Variants in ITFG1 observed in about 807,000 individuals in gnomAD.
ITFG1 encodes the protein integrin alpha FG-GAP repeat containing 1.
In ITFG1, 34 loss-of-function variants were observed where a neutral mutation model predicts 81.8. The observed-to-expected ratio is 0.42, with a 90% CI of 0.32 to 0.55. The LOEUF (loss-of-function observed/expected upper bound fraction) is 0.55. Among genes scored for constraint, ITFG1 ranks in the 20% least tolerant of loss-of-function variants. ITFG1 has a pLI of 0.17. For missense variants in ITFG1, 672 were observed against 755.4 expected, an observed-to-expected ratio of 0.89 and a Z score of 1.29; for synonymous variants, 285 against 270.6, an observed-to-expected ratio of 1.05 and a Z score of -0.52.
chr16:47,365,866 C>T lies in ITFG1; in HGVS notation c.724G>A (p.Gly242Arg), dbSNP rs746889895. Residue 242 changes from glycine (G) to arginine (R), a missense_variant, in exon 8 of 18, where the codon GGA becomes AGA. Physicochemically the swap from Gly to Arg is moderately radical, Grantham distance 125. Transcript: ENST00000320640. ...FQFEIWENLD[G>R]NFSVSTILEK... ...AATATAGTACTGACAGAGAAGTTTC[C>T]ATCCTGTTAAATGAAGAAAACTTTG... is the stretch of plus-strand genomic sequence containing the variant. 4 of 1,563,750 alleles carry T rather than the reference C, an allele frequency of 2.6e-6. No homozygotes were observed. In the Admixed American group the frequency reaches 5.0e-5, roughly 20 times the overall value.
At chr16:47,220,289 T>A (rs1017241023) in intron 13 of ITFG1, among the ~76,000 whole-genome samples, 1 of 152,244 alleles carries the variant, frequency 6.6e-6, no homozygotes, top group South Asian at 2.1e-4. Context: ...GTAAAAACTA[T>A]TTTCATAATA....
chr16:47,269,163 T>C (rs554159268), intron 10 of ITFG1, among the ~76,000 whole-genome samples: 1 of 152,184 alleles, frequency 6.6e-6, no homozygotes, highest in African/African-American at 2.4e-5. Flanking sequence ...GTTCTAGCCA[T>C]TGTAAAAGGA....
rs1221117450 is a variant in ITFG1 at position 47,154,907 on chromosome 16, T to C, written c.*812A>G. 2 of 152,362 alleles carry C rather than the reference T, an allele frequency of 1.3e-5. No homozygotes were observed. Among genetic ancestry groups the C allele is most frequent in the Non-Finnish European group, 2.9e-5 (2 of 68,036 alleles). The allele number at this position is 152,362 out of a possible 1,614,324, so 9.4% of individuals were successfully genotyped here. Reference sequence around the variant, plus strand: ...AAAAATTTAGCTTTTCCAAAGAATATTTCTTCATGCCTGAAAATAAAATTC... The same window carrying C: ...AAAAATTTAGCTTTTCCAAAGAATACTTCTTCATGCCTGAAAATAAAATTC... On this transcript the variant is annotated 3_prime_UTR_variant, in exon 18 of 18. Coordinates refer to ENST00000320640, the MANE Select transcript of ITFG1 (RefSeq NM_030790.5).
chr16:47,255,685 C>T (rs578157858), intron 12 of ITFG1, among the ~76,000 whole-genome samples: 1 of 152,224 alleles, frequency 6.6e-6, no homozygotes, highest in African/African-American at 2.4e-5. Context: ...TTGAATGTCT[C>T]CTATGTACCA....
At chr16:47,350,035 T>A (rs977550084) in intron 8 of ITFG1, among the ~76,000 whole-genome samples, 3 of 152,162 alleles carry the variant, frequency 2.0e-5, no homozygotes, top group Non-Finnish European at 4.4e-5. Flanking sequence ...AGACACAACA[T>A]ACCAGAATCT....
At chr16:47,251,842 A>G (rs959856342) in intron 12 of ITFG1, among the ~76,000 whole-genome samples, 1 of 152,270 alleles carries the variant, frequency 6.6e-6, no homozygotes, top group African/African-American at 2.4e-5. Context: ...AGTTATGTGA[A>G]TGTAGTTTTT....
chr16:47,299,218 T>C (rs996975131), intron 10 of ITFG1, among the ~76,000 whole-genome samples: 8 of 152,192 alleles, frequency 5.3e-5, no homozygotes, highest in South Asian at 2.1e-4. Flanking sequence ...TGTTTACTTA[T>C]AGGATGAAAC....
intron 12 of ITFG1, among the ~76,000 whole-genome samples, chr16:47,247,707 CTG>C (rs1265486812): frequency 6.6e-6 from 1 of 152,032 alleles, no homozygotes; most frequent in Non-Finnish European, 1.5e-5. Flanking sequence ...AACCTCTAAA[CTG>C]GAGTTTTTAT....
intron 8 of ITFG1, among the ~76,000 whole-genome samples, chr16:47,342,746 T>C (rs1967801262): frequency 6.6e-6 from 1 of 152,104 alleles, no homozygotes; most frequent in African/African-American, 2.4e-5. Context: ...TAGCAAGCAA[T>C]TTCATTTACA....
Position 47,442,103 on chromosome 16 carries a change from C to T in ITFG1, c.560+9293G>A, listed in dbSNP as rs554841740. Among the ~76,000 whole-genome samples, 14 of 152,206 alleles carry T rather than the reference C, an allele frequency of 9.2e-5. 1 individual carries two copies. The highest frequency in any genetic ancestry group is 4.1e-4 in the South Asian group (2 of 4,822). The stretch of plus-strand genomic sequence containing the variant: ...CAATGGTTTCAAAGAGAATCAAATA[C>T]CTAGGAATCCAACTTACAAGGGATG... On this transcript the variant is annotated intron_variant, in intron 5 of 17. Coordinates refer to ENST00000320640, the MANE Select transcript of ITFG1 (RefSeq NM_030790.5).
intron 13 of ITFG1, among the ~76,000 whole-genome samples, chr16:47,232,717 C>T (rs1965829074): frequency 6.6e-6 from 1 of 151,550 alleles, no homozygotes; most frequent in South Asian, 2.1e-4. Flanking sequence ...TCATGGCTCA[C>T]TGCAGCCTCT....
intron 10 of ITFG1, among the ~76,000 whole-genome samples, chr16:47,289,762 A>G (rs999455367): frequency 6.6e-6 from 1 of 151,642 alleles, no homozygotes; most frequent in Non-Finnish European, 1.5e-5. Flanking sequence ...GAGTCTAGCT[A>G]TTGGTAAATT....
At chr16:47,293,192 T>TTATATATCATATATAAATATGATATATAA (rs1567448171) in intron 10 of ITFG1, among the ~76,000 whole-genome samples, 15 of 146,644 alleles carry the variant, frequency 1.0e-4, no homozygotes, top group African/African-American at 3.7e-4. Flanking sequence ...ATGATATATA[T>TTATATATCATATATAAATATGATATATAA]TATATATCAT....
At chr16:47,183,377 CCT>C (rs1292026125) in intron 14 of ITFG1, among the ~76,000 whole-genome samples, 1 of 152,114 alleles carries the variant, frequency 6.6e-6, no homozygotes, top group African/African-American at 2.4e-5. Flanking sequence ...CTTAAATGTC[CCT>C]GTCTGACAGC....
At chr16:47,245,831 CTTTT>C (rs932168296) in intron 12 of ITFG1, among the ~76,000 whole-genome samples, 1 of 145,004 alleles carries the variant, frequency 6.9e-6, no homozygotes, top group Non-Finnish European at 1.5e-5. Context: ...CTGCCTCCTC[CTTTT>C]TTTTTTTTTA....
intron 8 of ITFG1, among the ~76,000 whole-genome samples, chr16:47,346,699 C>A (rs1332697802): frequency 6.6e-6 from 1 of 152,074 alleles, no homozygotes; most frequent in Non-Finnish European, 1.5e-5. Context: ...ACACAACCTA[C>A]CAAGATTGAA....
chr16:47,414,467 G>A (rs1238256217), intron 6 of ITFG1, among the ~76,000 whole-genome samples: 1 of 151,748 alleles, frequency 6.6e-6, no homozygotes, highest in African/African-American at 2.4e-5. Flanking sequence ...CAGAGGTTTC[G>A]GTGAGCTGAG....
At chr16:47,438,745 C>G (rs1969204246) in intron 5 of ITFG1, among the ~76,000 whole-genome samples, 3 of 152,136 alleles carry the variant, frequency 2.0e-5, no homozygotes, top group Admixed American at 1.3e-4. Flanking sequence ...TAAAACAGAA[C>G]AGAAAAACTA....
chr16:47,371,886 C>T (rs922082097), intron 7 of ITFG1, among the ~76,000 whole-genome samples: 7 of 151,652 alleles, frequency 4.6e-5, no homozygotes, highest in Non-Finnish European at 8.8e-5. Flanking sequence ...ATAAAGGGTG[C>T]CCAAGGATCT....
Sources: allele counts gnomAD v4.1 joint callset (sites outside exome capture counted in the v4.1 genomes callset), GRCh38; gene constraint gnomAD v4.1.1; transcripts MANE v1.5; gene names NCBI Gene and HGNC (gene_info 2026-07-23, HGNC 2026-07-21).